The following DISC1 variants were observed in gnomAD, a reference collection of about 807,000 sequenced individuals.
DISC1 encodes the protein disrupted in schizophrenia 1 protein.
Under a neutral mutation model 84.5 loss-of-function variants are expected in DISC1, and 57 were observed. The ratio of observed to expected loss-of-function variants is 0.67; its 90% CI spans 0.55 to 0.84. The LOEUF (loss-of-function observed/expected upper bound fraction) is 0.84. Among genes scored for constraint, DISC1 ranks in the 40% least tolerant of loss-of-function variants. The pLI, the probability that DISC1 is intolerant of heterozygous loss-of-function variation, is 0.00. For synonymous variants in DISC1, 411 were observed against 415.2 expected (o/e 0.99, Z 0.12); for missense variants, 1,000 against 1,057.8 (o/e 0.95, Z 0.76).
rs1341684752 is a variant in DISC1, at chr1:232,040,918, G to A, written c.*4087G>A. The A allele has an allele frequency of 6.6e-6, 1 of 152,198 alleles. No homozygotes were observed. The highest frequency in any genetic ancestry group is 1.5e-5 in the Non-Finnish European group (1 of 68,034). 9.4% of individuals were successfully genotyped at this position (152,198 alleles called of 1,614,324 possible). On this transcript the variant is annotated 3_prime_UTR_variant, in exon 13 of 13. Transcript: ENST00000439617. ...TTTCTTGAAGATCCTCATCCAATTG[G>A]TGTTTTTCAGAAGTGTTCCAATATT... is the stretch of plus-strand genomic sequence containing the variant.
chr1:231,843,116 A>G (rs1048540823), intron 9 of DISC1, among the ~76,000 whole-genome samples: 13 of 152,172 alleles, frequency 8.5e-5, no homozygotes, highest in African/African-American at 3.1e-4. Context: ...ATGGGGGGGT[A>G]TGAAAAGCCA....
At chr1:231,660,872 G>A (rs772018822) in intron 1 of DISC1, among the ~76,000 whole-genome samples, 11 of 152,180 alleles carry the variant, frequency 7.2e-5, no homozygotes, top group Non-Finnish European at 1.0e-4. Flanking sequence ...TCACTGGTCT[G>A]TGTAGTTCAG....
chr1:231,783,835 G>A (rs143978038), intron 6 of DISC1, among the ~76,000 whole-genome samples: 2,078 of 152,270 alleles, frequency 0.014, 31 homozygotes, highest in African/African-American at 0.028. Flanking sequence ...TCAGCACCTC[G>A]ATCACAGGAA....
intron 9 of DISC1, among the ~76,000 whole-genome samples, chr1:231,928,617 C>G (rs2090482339): frequency 6.6e-6 from 1 of 152,124 alleles, no homozygotes; most frequent in Admixed American, 6.6e-5. Context: ...TTTATTTGCT[C>G]TTGCTTCTCT....
In DISC1 at chr1:231,640,303, A is replaced by G. The variant is rs138046463; in HGVS notation, c.67+13369A>G. 3.4e-4 allele frequency among the ~76,000 whole-genome samples: 51 copies of G among 152,168 alleles called. 1 individual carries two copies. The East Asian group carries it at 9.7e-3, about 29-fold the overall frequency. On this transcript the variant is annotated intron_variant, in intron 1 of 12. Transcript: ENST00000439617. ...ATATGCTGCCTTTGGTCTCTGAGCC[A>G]CCAGGTATAGCGCTGCATAATGGAA...
chr1:231,770,705 C>G (rs2076492360), intron 5 of DISC1, 130 bp from the exon 6 acceptor site: 1 of 1,474,912 alleles, frequency 6.8e-7, no homozygotes, highest in East Asian at 2.5e-5. Context: ...AAAAATCTGC[C>G]TGCCTCAGAA....
intron 5 of DISC1, among the ~76,000 whole-genome samples, chr1:231,769,257 C>T (rs774055488): frequency 2.0e-5 from 3 of 152,192 alleles, no homozygotes; most frequent in Admixed American, 1.3e-4. Flanking sequence ...GCCACCCCCC[C>T]TTCTGGGTAT....
rs1312907239 is a variant in DISC1, at chr1:231,693,826, G to A, written c.68G>A (p.Gly23Asp). 1.2e-6 allele frequency: 2 copies of A among 1,613,086 alleles called. No homozygotes were observed. Among genetic ancestry groups the A allele is most frequent in the Admixed American group, 3.3e-5 (2 of 59,996 alleles). The change falls in exon 2 of 13, where the codon GGC becomes GAC. Residue 23 changes from glycine to aspartate, a missense_variant and splice_region_variant. This residue lies in a region of DISC1 where 292 missense variants were observed against 280.2 expected (regional missense o/e 1.04). Coordinates refer to ENST00000439617, the MANE Select transcript of DISC1 (RefSeq NM_018662.3). ...GTGCTGTTTTTTCTTTTCTTCCCAG[G>A]CAGCCGGGATTGCTTACCACCTGCA... ...AGGGGVSHRA[G>D]SRDCLPPAAC...
intron 9 of DISC1, among the ~76,000 whole-genome samples, chr1:231,904,032 G>A (rs921685673): frequency 6.6e-6 from 1 of 151,820 alleles, no homozygotes; most frequent in African/African-American, 2.4e-5. Context: ...CAGGACACTG[G>A]CCCTGCAGGG....
intron 3 of DISC1, among the ~76,000 whole-genome samples, chr1:231,717,821 A>C (rs932320477): frequency 6.6e-6 from 1 of 152,166 alleles, no homozygotes; most frequent in African/African-American, 2.4e-5. Flanking sequence ...GTTTCTTGAC[A>C]GTCAAATCTC....
intron 10 of DISC1, among the ~76,000 whole-genome samples, chr1:231,965,386 A>C (rs1660945796): frequency 6.6e-6 from 1 of 152,162 alleles, no homozygotes; most frequent in Admixed American, 6.5e-5. Flanking sequence ...ATAGCCAAAT[A>C]TCCAGGAGGG....
chr1:231,751,722 A>C (rs2074619693), intron 4 of DISC1, among the ~76,000 whole-genome samples: 2 of 152,168 alleles, frequency 1.3e-5, no homozygotes, highest in Admixed American at 6.5e-5. Flanking sequence ...GACATCATAC[A>C]ATATTTGCTC....
intron 1 of DISC1, among the ~76,000 whole-genome samples, chr1:231,674,398 C>T (rs1412095343): frequency 1.3e-5 from 2 of 152,090 alleles, no homozygotes; most frequent in Non-Finnish European, 1.5e-5. Flanking sequence ...ATATTTGATC[C>T]ATAGCCATTG....
chr1:231,963,948 A>G (rs1660745169), intron 10 of DISC1, among the ~76,000 whole-genome samples: 4 of 152,210 alleles, frequency 2.6e-5, no homozygotes, highest in Admixed American at 6.5e-5. Flanking sequence ...GTGCTTTTCT[A>G]TACAATGTCT....
At chr1:232,025,665 C>T (rs1449861067) in intron 11 of DISC1, among the ~76,000 whole-genome samples, 1 of 149,490 alleles carries the variant, frequency 6.7e-6, no homozygotes, top group African/African-American at 2.5e-5. Context: ...GGTGCAATCT[C>T]GGCTCACTGC....
intron 4 of DISC1, chr1:231,750,508 A>G (rs2074495935): frequency 2.0e-6 from 2 of 994,836 alleles, no homozygotes; most frequent in South Asian, 9.1e-5. Context: ...CCTGAGCAAC[A>G]TTTGCTATTT....
chr1:231,860,564 A>G (rs1406853590), intron 9 of DISC1, among the ~76,000 whole-genome samples: 4 of 152,206 alleles, frequency 2.6e-5, no homozygotes, highest in South Asian at 2.1e-4. Flanking sequence ...GAGCCTTCTC[A>G]GGGTTAAGCA....
At chr1:231,791,309 A>ACT (rs2078332932) in intron 6 of DISC1, among the ~76,000 whole-genome samples, 3 of 152,228 alleles carry the variant, frequency 2.0e-5, no homozygotes, top group African/African-American at 7.2e-5. Context: ...ATTGTTCAAC[A>ACT]GTTAGGAGAG....
intron 10 of DISC1, among the ~76,000 whole-genome samples, chr1:231,965,841 C>G (rs1453584389): frequency 2.0e-5 from 3 of 152,232 alleles, no homozygotes; most frequent in African/African-American, 7.2e-5. Context: ...TCTATAAAGC[C>G]TTTCTGGCCT....
Sources: allele counts gnomAD v4.1 joint callset (sites outside exome capture counted in the v4.1 genomes callset), GRCh38; gene constraint gnomAD v4.1.1; regional missense constraint gnomAD v4.1.1; transcripts MANE v1.5; gene names NCBI Gene and HGNC (gene_info 2026-07-23, HGNC 2026-07-21).